The following PBX1 variants were observed in gnomAD, a reference collection of about 807,000 sequenced individuals.
PBX1 encodes pre-B-cell leukemia transcription factor 1.
Under a neutral mutation model 53.4 loss-of-function variants are expected in PBX1, and 6 were observed. The observed-to-expected ratio is 0.11, with a 90% CI of 0.06 to 0.22. PBX1 has a LOEUF of 0.22. PBX1 is among the 10% of genes least tolerant of loss of function. The pLI is 1.00. For synonymous variants in PBX1, 204 were observed against 212.3 expected (o/e 0.96, Z 0.34); for missense variants, 251 against 551.4 (o/e 0.46, Z 5.46).
At chr1:164,669,803 G>A (rs935745300) in intron 2 of PBX1, among the ~76,000 whole-genome samples, 5 of 152,146 alleles carry the variant, frequency 3.3e-5, no homozygotes, top group Admixed American at 1.3e-4. Flanking sequence ...GTCACAGACC[G>A]TCATGAAGTG....
intron 2 of PBX1, among the ~76,000 whole-genome samples, chr1:164,745,497 A>G (rs1189942035): frequency 6.6e-6 from 1 of 152,198 alleles, no homozygotes; most frequent in East Asian, 1.9e-4. Flanking sequence ...CAAATGATGA[A>G]CCTTTTAAAC....
rs571095525 is a variant in PBX1 at position 164,638,820 on chromosome 1, G to A, written c.265+75509G>A. Among the ~76,000 whole-genome samples, 6 of 152,342 alleles carry A rather than the reference G, an allele frequency of 3.9e-5. No homozygotes were observed. The South Asian group carries it at 1.2e-3, about 32-fold the overall frequency. On this transcript the variant is annotated intron_variant, in intron 2 of 8. Transcript: ENST00000420696. ...CTTGGCAAAGACCTCCAGGGTCAGA[G>A]TGCCGGCCTTTACTGTTTTTGGCAG...
chr1:164,673,526 A>G (rs138607511), intron 2 of PBX1, among the ~76,000 whole-genome samples: 2,348 of 134,698 alleles, frequency 0.017, 49 homozygotes, highest in South Asian at 0.057. Context: ...GCTGGAGTGC[A>G]GTGGCGGGAT....
intron 2 of PBX1, among the ~76,000 whole-genome samples, chr1:164,656,019 C>T (rs1214583906): frequency 6.6e-6 from 1 of 152,072 alleles, no homozygotes; most frequent in Non-Finnish European, 1.5e-5. Flanking sequence ...CCTTCAATTG[C>T]AGGTGGAGAA....
At chr1:164,577,130 TA>T (rs1216830581) in intron 2 of PBX1, 3 of 152,228 alleles carry the variant, frequency 2.0e-5, no homozygotes, top group Non-Finnish European at 4.4e-5. Context: ...ATGAATTAAA[TA>T]ATATAATCTG....
chr1:164,819,896 C>A, intron 6 of PBX1, 176 bp from the exon 7 acceptor site: 1 of 566,456 alleles, frequency 1.8e-6, no homozygotes, highest in Non-Finnish European at 3.2e-6. Context: ...CAATATGCAC[C>A]CTTTATTGCT....
At chr1:164,860,269 A>G (rs963270862) in intron 2 of PBX1, among the ~76,000 whole-genome samples, 3 of 152,196 alleles carry the variant, frequency 2.0e-5, no homozygotes, top group Admixed American at 6.5e-5. Flanking sequence ...TGACAGCTGA[A>G]TGCTGGGAAT....
At chr1:164,673,508 T>C (rs1460008915) in intron 2 of PBX1, among the ~76,000 whole-genome samples, 3 of 145,140 alleles carry the variant, frequency 2.1e-5, no homozygotes, top group South Asian at 4.4e-4. Flanking sequence ...TCTCGCACTG[T>C]TGCCTGGGCT....
chr1:164,780,808 C>T (rs184739473), intron 2 of PBX1, among the ~76,000 whole-genome samples: 3 of 152,262 alleles, frequency 2.0e-5, no homozygotes, highest in East Asian at 3.9e-4. Flanking sequence ...TAATCTCAGT[C>T]GCCCTTACCC....
chr1:164,882,324 G>T (rs2102467225), intron 2 of PBX1, among the ~76,000 whole-genome samples: 1 of 152,222 alleles, frequency 6.6e-6, no homozygotes, highest in African/African-American at 2.4e-5. Flanking sequence ...GAGAGCCTGG[G>T]AAATTCTCAT....
At chr1:164,883,465 G>GA in intron 2 of PBX1, among the ~76,000 whole-genome samples, 1 of 152,236 alleles carries the variant, frequency 6.6e-6, no homozygotes, top group African/African-American at 2.4e-5. Context: ...TGTGAAAACA[G>GA]AAAAAATATC....
Position 164,617,023 on chromosome 1 carries a change from A to G in PBX1, c.265+53712A>G, listed in dbSNP as rs186451926. ...GGTCATATTTTATTACCTCTTGACTATCTTTTTCCTGTTATAAAATAGTAT... is the reference window on the plus strand; with the variant it reads ...GGTCATATTTTATTACCTCTTGACTGTCTTTTTCCTGTTATAAAATAGTAT... On this transcript the variant is annotated intron_variant, in intron 2 of 8. Coordinates refer to ENST00000420696, the MANE Select transcript of PBX1 (RefSeq NM_002585.4). 7.6e-4 allele frequency among the ~76,000 whole-genome samples: 116 copies of G among 152,338 alleles called. 2 individuals are homozygous for G. In the East Asian group the frequency reaches 0.02, roughly 26 times the overall value.
chr1:164,708,578 A>G (rs182191829), intron 2 of PBX1, among the ~76,000 whole-genome samples: 75 of 152,222 alleles, frequency 4.9e-4, no homozygotes, highest in African/African-American at 1.8e-3. Flanking sequence ...AAACCCCAGT[A>G]TCTATTGTTG....
chr1:164,781,065 G>A (rs567956931), intron 2 of PBX1, among the ~76,000 whole-genome samples: 2 of 152,306 alleles, frequency 1.3e-5, no homozygotes, highest in South Asian at 4.1e-4. Context: ...TAGCAGCACG[G>A]CATGTGCTTG....
At chr1:164,652,651 G>A (rs1659900736) in intron 2 of PBX1, among the ~76,000 whole-genome samples, 2 of 152,042 alleles carry the variant, frequency 1.3e-5, no homozygotes, top group Admixed American at 1.3e-4. Context: ...GTCAAGAGGT[G>A]GGAGGAAGTT....
intron 2 of PBX1, among the ~76,000 whole-genome samples, chr1:164,627,634 G>A (rs1162786074): frequency 6.6e-6 from 1 of 152,222 alleles, no homozygotes; most frequent in Non-Finnish European, 1.5e-5. Flanking sequence ...ATGTTTTGGG[G>A]AAGCTAGACT....
intron 2 of PBX1, among the ~76,000 whole-genome samples, chr1:164,571,185 T>G (rs1392995919): frequency 6.6e-6 from 1 of 152,236 alleles, no homozygotes; most frequent in Non-Finnish European, 1.5e-5. Context: ...GAAATATATT[T>G]CTAACACCAT....
At chr1:164,779,134 G>C (rs2102270005) in intron 2 of PBX1, among the ~76,000 whole-genome samples, 1 of 151,556 alleles carries the variant, frequency 6.6e-6, no homozygotes, top group Non-Finnish European at 1.5e-5. Flanking sequence ...AGTCAAAGGA[G>C]GTAATTTTTG....
chr1:164,795,696 A>G (rs565246080), intron 3 of PBX1, among the ~76,000 whole-genome samples: 1 of 152,290 alleles, frequency 6.6e-6, no homozygotes, highest in African/African-American at 2.4e-5. Context: ...AAATTATGCT[A>G]TTAACCTTCT....
Sources: allele counts gnomAD v4.1 joint callset (sites outside exome capture counted in the v4.1 genomes callset), GRCh38; gene constraint gnomAD v4.1.1; transcripts MANE v1.5; gene names NCBI Gene and HGNC (gene_info 2026-07-23, HGNC 2026-07-21).